PTPRD: variants seen among roughly 807,000 people sequenced by gnomAD.
The protein encoded by PTPRD is receptor-type tyrosine-protein phosphatase delta.
In PTPRD, 34 loss-of-function variants were observed where a neutral mutation model predicts 214.5. That is an observed-to-expected ratio of 0.16 (90% confidence interval 0.12 to 0.21). PTPRD has a LOEUF of 0.21. Among genes scored for constraint, PTPRD ranks in the 10% least tolerant of loss-of-function variants. The probability of loss-of-function intolerance (pLI) is 1.00; values close to 1 mark genes in which losing one functional copy is unlikely to be tolerated. For missense variants in PTPRD, 2,545 were observed against 2,398.7 expected, an observed-to-expected ratio of 1.06 and a Z score of -1.27; for synonymous variants, 1,128 against 845.7, an observed-to-expected ratio of 1.33 and a Z score of -5.79.
intron 6 of PTPRD, among the ~76,000 whole-genome samples, chr9:9,746,342 C>A (rs964416538): frequency 1.3e-5 from 2 of 151,806 alleles, no homozygotes; most frequent in Admixed American, 6.6e-5. Context: ...TAAATATAAC[C>A]AAAGAAAGGA....
chr9:9,039,513 G>A (rs188198895), intron 10 of PTPRD, among the ~76,000 whole-genome samples: 10 of 152,224 alleles, frequency 6.6e-5, no homozygotes, highest in Non-Finnish European at 4.4e-5. Flanking sequence ...TTGTAAATAA[G>A]GTTTTTTGTG....
rs544485990 is a variant in PTPRD, at chr9:9,817,932, C to A, written c.-367-51081G>T. ...AGGATACTCCACCATTTTAAGGACT[C>A]CTATGAGGCATTTTAGGTATAGAGT... is the stretch of plus-strand genomic sequence containing the variant. On this transcript the variant is annotated intron_variant, in intron 5 of 45. Coordinates refer to ENST00000381196, the MANE Select transcript of PTPRD (RefSeq NM_002839.4). Among the ~76,000 whole-genome samples, 3 of 152,214 alleles carry A rather than the reference C, an allele frequency of 2.0e-5. No individual in the cohort carries two copies. In the South Asian group the frequency reaches 6.2e-4, roughly 32 times the overall value.
intron 10 of PTPRD, among the ~76,000 whole-genome samples, chr9:9,157,012 G>C (rs1275985666): frequency 6.6e-6 from 1 of 152,130 alleles, no homozygotes; most frequent in Non-Finnish European, 1.5e-5. Flanking sequence ...CATATTTTCA[G>C]TTTTTTGGAC....
chr9:10,414,487 G>A (rs908337493), intron 2 of PTPRD, among the ~76,000 whole-genome samples: 1 of 151,936 alleles, frequency 6.6e-6, no homozygotes, highest in Non-Finnish European at 1.5e-5. Flanking sequence ...GACACTGTTG[G>A]TGGATGTGTA....
intron 5 of PTPRD, among the ~76,000 whole-genome samples, chr9:9,818,915 C>CAAAAA (rs58616042): frequency 1.1e-5 from 1 of 89,340 alleles, no homozygotes; most frequent in Non-Finnish European, 2.3e-5. Flanking sequence ...GACACTGTCT[C>CAAAAA]AAAAAAAAAA....
intron 11 of PTPRD, among the ~76,000 whole-genome samples, chr9:8,736,746 G>C (rs1015560626): frequency 6.6e-6 from 1 of 151,554 alleles, no homozygotes; most frequent in Non-Finnish European, 1.5e-5. Context: ...GAAGCAAGTG[G>C]TACAGTGGAA....
intron 11 of PTPRD, among the ~76,000 whole-genome samples, chr9:8,967,724 G>A (rs1398484932): frequency 6.6e-6 from 1 of 152,062 alleles, no homozygotes; most frequent in Non-Finnish European, 1.5e-5. Flanking sequence ...TATCATAACA[G>A]CAACATTTAT....
At chr9:8,866,190 G>A (rs1235207037) in intron 11 of PTPRD, among the ~76,000 whole-genome samples, 1 of 152,098 alleles carries the variant, frequency 6.6e-6, no homozygotes, top group Non-Finnish European at 1.5e-5. Context: ...GATTTAAAAG[G>A]CAAACCAAAA....
intron 9 of PTPRD, among the ~76,000 whole-genome samples, chr9:9,275,115 T>C: frequency 1.8e-5 from 1 of 55,016 alleles, no homozygotes; most frequent in South Asian, 4.2e-4. Flanking sequence ...ATATTATATA[T>C]ATATTATATA....
At chr9:9,135,488 G>T (rs982071277) in intron 10 of PTPRD, among the ~76,000 whole-genome samples, 2 of 152,064 alleles carry the variant, frequency 1.3e-5, no homozygotes, top group Admixed American at 1.3e-4. Flanking sequence ...TCTTCACATT[G>T]CTGTTGACTA....
At chr9:9,560,357 G>A (rs2082594735) in intron 8 of PTPRD, among the ~76,000 whole-genome samples, 1 of 152,208 alleles carries the variant, frequency 6.6e-6, no homozygotes, top group African/African-American at 2.4e-5. Flanking sequence ...TTCTAGAAAT[G>A]TTGCATCTTG....
rs553989213 is a variant in PTPRD at position 9,901,513 on chromosome 9, A to C, written c.-368+36994T>G. On this transcript the variant is annotated intron_variant, in intron 5 of 45. Coordinates refer to ENST00000381196, the MANE Select transcript of PTPRD (RefSeq NM_002839.4). ...ATAAATAAAATATATTAAATATCTA[A>C]GAATTAACAGTTGCTGGGGAAATAT... Among the ~76,000 whole-genome samples the C allele has an allele frequency of 2.6e-5, 4 of 152,020 alleles. No individual in the cohort carries two copies. The South Asian group carries it at 8.3e-4, about 31-fold the overall frequency.
intron 3 of PTPRD, among the ~76,000 whole-genome samples, chr9:10,153,604 T>C (rs562847415): frequency 1.7e-4 from 26 of 152,154 alleles, no homozygotes; most frequent in African/African-American, 5.8e-4. Flanking sequence ...TGAACTACTG[T>C]CACTGAGGTT....
chr9:9,334,974 T>C (rs559644209), intron 9 of PTPRD, among the ~76,000 whole-genome samples: 5 of 152,158 alleles, frequency 3.3e-5, no homozygotes, highest in Admixed American at 2.6e-4. Context: ...TGTGATCTTA[T>C]GTTTCAGCTT....
At chr9:9,478,110 G>C (rs1203303866) in intron 8 of PTPRD, among the ~76,000 whole-genome samples, 1 of 148,092 alleles carries the variant, frequency 6.8e-6, no homozygotes, top group African/African-American at 2.5e-5. Flanking sequence ...GGTTTTTTTA[G>C]ATTATGCGTA....
At chr9:8,532,841 T>C (rs2076060198) in intron 14 of PTPRD, among the ~76,000 whole-genome samples, 3 of 152,048 alleles carry the variant, frequency 2.0e-5, no homozygotes, top group Admixed American at 2.0e-4. Context: ...TATAGCACCC[T>C]CTTTGAATCT....
chr9:8,400,875 CAT>C (rs1326832918), intron 36 of PTPRD, among the ~76,000 whole-genome samples: 21 of 152,146 alleles, frequency 1.4e-4, no homozygotes, highest in African/African-American at 4.8e-4. Flanking sequence ...AAGGAAACTA[CAT>C]AGAGATAACT....
chr9:8,728,940 A>T (rs2098622325), intron 12 of PTPRD, among the ~76,000 whole-genome samples: 1 of 152,164 alleles, frequency 6.6e-6, no homozygotes, highest in Non-Finnish European at 1.5e-5. Context: ...AGATCACACC[A>T]CTGCACTCCA....
chr9:9,159,334 G>T (rs987969411), intron 10 of PTPRD, among the ~76,000 whole-genome samples: 1 of 152,040 alleles, frequency 6.6e-6, no homozygotes, highest in Non-Finnish European at 1.5e-5. Flanking sequence ...CCACCATAAA[G>T]CTGTTAGAAC....
Sources: allele counts gnomAD v4.1 joint callset (sites outside exome capture counted in the v4.1 genomes callset), GRCh38; gene constraint gnomAD v4.1.1; transcripts MANE v1.5; gene names NCBI Gene and HGNC (gene_info 2026-07-23, HGNC 2026-07-21).